ABCC4: variants seen among roughly 807,000 people sequenced by gnomAD.
ABCC4 encodes ATP binding cassette subfamily C member 4 (PEL blood group), also known as ATP-binding cassette sub-family C member 4.
Under a neutral mutation model 168.5 loss-of-function variants are expected in ABCC4, and 102 were observed. That is an observed-to-expected ratio of 0.61 (90% CI 0.52 to 0.71). The LOEUF is 0.71. ABCC4 is among the 30% of genes least tolerant of loss of function. The probability of loss-of-function intolerance (pLI) is 0.00; values close to 1 mark genes in which losing one functional copy is unlikely to be tolerated. For synonymous variants in ABCC4, 617 were observed against 590.7 expected (o/e 1.04, Z -0.65); for missense variants, 1,402 against 1,605.8 (o/e 0.87, Z 2.17).
At chr13:95,101,766 AG>A (rs2034818461) in intron 20 of ABCC4, among the ~76,000 whole-genome samples, 1 of 152,234 alleles carries the variant, frequency 6.6e-6, no homozygotes, top group Non-Finnish European at 1.5e-5. Context: ...TAAAGCCTTC[AG>A]GGATAATAAA....
At chr13:95,071,522 A>C in intron 25 of ABCC4, 140 bp downstream of exon 25, 1 of 680,468 alleles carries the variant, frequency 1.5e-6, no homozygotes, top group Non-Finnish European at 2.1e-6. Context: ...GAATGTTGGT[A>C]TCCACATTCC....
intron 4 of ABCC4, among the ~76,000 whole-genome samples, chr13:95,230,036 G>A (rs564792277): frequency 2.0e-5 from 3 of 152,280 alleles, no homozygotes; most frequent in East Asian, 3.9e-4. Context: ...GAGGTTATAC[G>A]AACCCATGCT....
chr13:95,210,798 A>G lies in ABCC4; in HGVS notation c.532-17T>C, dbSNP rs369532355. 3.0e-5 allele frequency: 48 copies of G among 1,596,910 alleles called. No individual in the cohort carries two copies. In the Middle Eastern group the frequency reaches 6.6e-4, roughly 22 times the overall value. On this transcript the variant is annotated splice_polypyrimidine_tract_variant and intron_variant, in intron 4 of 30. Transcript: ENST00000645237. ...ACGAAGTGCCTGAAATAAAAGAGGT[A>G]AGTAGAGAATTGTATTCATGCAGTG...
chr13:95,054,043 T>C (rs1594016193), intron 26 of ABCC4: 1 of 43,122 alleles, frequency 2.3e-5, no homozygotes, highest in Non-Finnish European at 5.6e-5. Flanking sequence ...TTTTTTTTTT[T>C]TTTTTTTTTT....
At position 95,104,015 on chromosome 13, in the gene ABCC4, G is replaced by C. The variant is rs536111459; in HGVS notation, c.2535+11907C>G. Among the ~76,000 whole-genome samples the C allele has an allele frequency of 5.9e-5, 9 of 152,294 alleles. No homozygotes were observed. The East Asian group carries it at 1.7e-3, about 29-fold the overall frequency. On this transcript the variant is annotated intron_variant, in intron 20 of 30. Transcript: ENST00000645237. ...TTCCCCAAGCAGGGCAACAGACAAA[G>C]CCCTTTGCTGCTGTGATGTGAACTT...
intron 10 of ABCC4, among the ~76,000 whole-genome samples, chr13:95,187,904 C>A (rs1301331952): frequency 6.6e-6 from 1 of 152,164 alleles, no homozygotes; most frequent in Non-Finnish European, 1.5e-5. Context: ...ACTGAAATCA[C>A]CTGTTTGTAT....
At chr13:95,025,265 C>CCCCA (rs2031406575) in intron 30 of ABCC4, among the ~76,000 whole-genome samples, 5 of 61,432 alleles carry the variant, frequency 8.1e-5, no homozygotes, top group African/African-American at 4.7e-4. Flanking sequence ...ACACACACCC[C>CCCCA]CACACCCCCA....
chr13:95,091,558 T>C (rs2034435365), intron 20 of ABCC4, among the ~76,000 whole-genome samples: 1 of 152,078 alleles, frequency 6.6e-6, no homozygotes. Context: ...GCTCCACATA[T>C]GAAAGAAAGA....
chr13:95,238,586 ACT>A (rs2039845059), intron 3 of ABCC4, among the ~76,000 whole-genome samples: 1 of 151,912 alleles, frequency 6.6e-6, no homozygotes, highest in African/African-American at 2.4e-5. Context: ...ATGGAGTTTC[ACT>A]CTTGTTGCGC....
chr13:95,301,319 C>G lies in ABCC4; in HGVS notation c.-5G>C. ...CTCCTGGTACACGGGCAGCATCTTG[C>G]CGGGCGGGGCGGGCGCGGGCCGGGG... On this transcript the variant is annotated 5_prime_UTR_variant, in exon 1 of 31. Coordinates refer to ENST00000645237, the MANE Select transcript of ABCC4 (RefSeq NM_005845.5). 6.3e-7 allele frequency: 1 copy of G among 1,584,956 alleles called. No homozygotes were observed. Among genetic ancestry groups the G allele is most frequent in the Non-Finnish European group, 8.6e-7 (1 of 1,167,084 alleles).
chr13:95,273,944 G>C (rs1032510497), intron 1 of ABCC4, among the ~76,000 whole-genome samples: 3 of 150,744 alleles, frequency 2.0e-5, no homozygotes, highest in Non-Finnish European at 4.4e-5. Context: ...TTAAAAATAA[G>C]AGTTTGCCTG....
chr13:95,104,723 A>C (rs2034938719), intron 20 of ABCC4, among the ~76,000 whole-genome samples: 1 of 152,218 alleles, frequency 6.6e-6, no homozygotes, highest in Non-Finnish European at 1.5e-5. Flanking sequence ...TACGTTGAGG[A>C]AGAATCACAA....
intron 30 of ABCC4, among the ~76,000 whole-genome samples, chr13:95,032,738 A>T (rs949378826): frequency 1.3e-5 from 2 of 151,136 alleles, no homozygotes; most frequent in African/African-American, 4.9e-5. Context: ...ATCTCAGCTC[A>T]CTGCAACCTC....
chr13:95,187,683 A>G (rs994372448), intron 10 of ABCC4, among the ~76,000 whole-genome samples: 1 of 152,188 alleles, frequency 6.6e-6, no homozygotes, highest in Non-Finnish European at 1.5e-5. Context: ...ACTAGGAAGG[A>G]CTTTTATTTT....
intron 1 of ABCC4, among the ~76,000 whole-genome samples, chr13:95,283,674 T>C (rs1384179579): frequency 1.3e-5 from 2 of 151,960 alleles, no homozygotes; most frequent in African/African-American, 4.8e-5. Flanking sequence ...TCCCAGCACT[T>C]TGGGAGGCCG....
At chr13:95,044,551 T>A in intron 27 of ABCC4, 113 bp from the exon 28 acceptor site, 1 of 869,760 alleles carries the variant, frequency 1.1e-6, no homozygotes, top group Non-Finnish European at 1.7e-6. Flanking sequence ...ATAACTTAAG[T>A]GGACACACAC....
chr13:95,114,898 G>A (rs567973395), intron 20 of ABCC4, among the ~76,000 whole-genome samples: 24 of 152,254 alleles, frequency 1.6e-4, no homozygotes, highest in Middle Eastern at 3.4e-3. Context: ...CAAAATTGCA[G>A]ACCCCAACTG....
intron 19 of ABCC4, among the ~76,000 whole-genome samples, chr13:95,133,067 G>T (rs1245628062): frequency 6.6e-6 from 1 of 150,768 alleles, no homozygotes; most frequent in Admixed American, 6.6e-5. Flanking sequence ...TGATTAACAT[G>T]GCAAATCTTA....
chr13:95,113,604 T>C (rs1023056290), intron 20 of ABCC4, among the ~76,000 whole-genome samples: 1 of 152,138 alleles, frequency 6.6e-6, no homozygotes, highest in Non-Finnish European at 1.5e-5. Context: ...AGATTTTTGT[T>C]GGCCTTTATT....
Sources: gnomAD v4.1 joint callset for allele counts (sites outside exome capture counted in the v4.1 genomes callset) on GRCh38, gnomAD v4.1.1 for gene constraint, MANE v1.5 for transcripts, NCBI Gene and HGNC (gene_info 2026-07-23, HGNC 2026-07-21) for gene names.